ANK1: variants seen among roughly 807,000 people sequenced by gnomAD.
ANK1 encodes the protein ankyrin 1.
ANK1 carries 51 observed loss-of-function variants against 210.4 expected under a neutral mutation model. The observed-to-expected ratio is 0.24, with a 90% confidence interval of 0.19 to 0.31. The LOEUF (loss-of-function observed/expected upper bound fraction) is 0.31. ANK1 is among the 10% of genes least tolerant of loss of function. ANK1 has a pLI of 1.00. For missense variants in ANK1, 2,051 were observed against 2,504.4 expected (o/e 0.82, Z 3.86); for synonymous variants, 967 against 1,025.9 (o/e 0.94, Z 1.10).
At chr8:41,772,958 G>A (rs967083391) in intron 1 of ANK1, among the ~76,000 whole-genome samples, 2 of 152,116 alleles carry the variant, frequency 1.3e-5, no homozygotes, top group African/African-American at 4.8e-5. Flanking sequence ...TCAGCCACCA[G>A]GAGCATCGCT....
rs150403354 is a variant in ANK1, at chr8:41,725,023, C to A, written c.613-469G>T. 2.8e-3 allele frequency among the ~76,000 whole-genome samples: 427 copies of A among 152,226 alleles called. 2 individuals carry two copies. The highest frequency in any genetic ancestry group is 9.8e-3 in the African/African-American group (408 of 41,526). On this transcript the variant is annotated intron_variant, in intron 6 of 42. Transcript: ENST00000289734. ...TACAGGCGAACACCATCATGCCCAG[C>A]TAATTTTAAAAAAAATGTTTTAGAG...
chr8:41,892,545 G>A (rs1487301335), intron 1 of ANK1, among the ~76,000 whole-genome samples: 1 of 152,218 alleles, frequency 6.6e-6, no homozygotes, highest in Admixed American at 6.5e-5. Flanking sequence ...TTGACATTTA[G>A]TGTAGCAGAG....
chr8:41,852,954 C>T (rs759472986), intron 1 of ANK1, among the ~76,000 whole-genome samples: 2 of 152,312 alleles, frequency 1.3e-5, no homozygotes, highest in Middle Eastern at 3.4e-3. Context: ...GTGATGGGGA[C>T]AAATCATCCT....
At chr8:41,809,970 C>T (rs1238378235) in intron 1 of ANK1, among the ~76,000 whole-genome samples, 1 of 152,116 alleles carries the variant, frequency 6.6e-6, no homozygotes, top group East Asian at 1.9e-4. Context: ...GTCATGTTAC[C>T]GTGAGCCACG....
At chr8:41,798,770 G>A (rs898889893), upstream of ANK1, among the ~76,000 whole-genome samples, 1 of 152,090 alleles carries the variant, frequency 6.6e-6, no homozygotes, top group African/African-American at 2.4e-5. Context: ...GGGTGTCACC[G>A]CTGGGGGCCT....
chr8:41,731,904 G>T (rs1277205785), intron 3 of ANK1, among the ~76,000 whole-genome samples: 1 of 152,252 alleles, frequency 6.6e-6, no homozygotes, highest in African/African-American at 2.4e-5. Context: ...CTCACAGCCA[G>T]GTACGTGGGA....
chr8:41,884,596 AG>A (rs555655182), intron 1 of ANK1, among the ~76,000 whole-genome samples: 36 of 152,042 alleles, frequency 2.4e-4, no homozygotes, highest in African/African-American at 8.4e-4. Context: ...GAGCTTTCAG[AG>A]TCCGAGGCAG....
chr8:41,750,237 T>C (rs1268494201), intron 2 of ANK1, among the ~76,000 whole-genome samples: 2 of 152,346 alleles, frequency 1.3e-5, no homozygotes, highest in African/African-American at 2.4e-5. Context: ...GGCTTCCTAA[T>C]GCACATGTGG....
chr8:41,705,326 G>C (rs1056685461), intron 18 of ANK1, among the ~76,000 whole-genome samples: 1 of 152,208 alleles, frequency 6.6e-6, no homozygotes, highest in Non-Finnish European at 1.5e-5. Flanking sequence ...CTCTGTGCAG[G>C]ACCCCAAAAG....
At chr8:41,774,502 C>T (rs181104182) in intron 1 of ANK1, among the ~76,000 whole-genome samples, 2 of 152,360 alleles carry the variant, frequency 1.3e-5, no homozygotes, top group East Asian at 3.9e-4. Flanking sequence ...GCTTCCCATC[C>T]CAGGGCCAGG....
chr8:41,743,800 T>C (rs1278195106), intron 2 of ANK1, among the ~76,000 whole-genome samples: 2 of 147,564 alleles, frequency 1.4e-5, no homozygotes, highest in Admixed American at 6.8e-5. Flanking sequence ...TGTGATCTCA[T>C]TGATTCTTCA....
At chr8:41,743,972 G>A (rs1835430694) in intron 2 of ANK1, among the ~76,000 whole-genome samples, 1 of 152,196 alleles carries the variant, frequency 6.6e-6, no homozygotes, top group South Asian at 2.1e-4. Flanking sequence ...GGGATCTTTG[G>A]AGAAGTGCTG....
chr8:41,832,125 TCA>T (rs1806788970), intron 1 of ANK1, among the ~76,000 whole-genome samples: 1 of 152,134 alleles, frequency 6.6e-6, no homozygotes, highest in African/African-American at 2.4e-5. Flanking sequence ...TTGTCAGAAC[TCA>T]CAGGACTGAA....
At chr8:41,753,374 G>T (rs1289584728) in intron 2 of ANK1, among the ~76,000 whole-genome samples, 1 of 151,960 alleles carries the variant, frequency 6.6e-6, no homozygotes, top group Non-Finnish European at 1.5e-5. Context: ...CCTGCTGCAG[G>T]CTCTTAAGTA....
chr8:41,766,132 G>A (rs555115482), intron 1 of ANK1, among the ~76,000 whole-genome samples: 3 of 152,306 alleles, frequency 2.0e-5, no homozygotes, highest in Admixed American at 2.0e-4. Flanking sequence ...CTTCTTTAAC[G>A]CAGCCACTGT....
chr8:41,848,816 T>A (rs991280083), intron 1 of ANK1, among the ~76,000 whole-genome samples: 2 of 152,174 alleles, frequency 1.3e-5, no homozygotes, highest in African/African-American at 4.8e-5. Context: ...TACAACTGGA[T>A]ACATCAAGTC....
intron 1 of ANK1, among the ~76,000 whole-genome samples, chr8:41,871,875 C>G (rs1815569793): frequency 6.6e-6 from 1 of 152,206 alleles, no homozygotes; most frequent in Admixed American, 6.5e-5. Context: ...CTTGCTTGCT[C>G]TGAACCCACC....
At chr8:41,695,380 C>T (rs1163093465) in intron 26 of ANK1, 49 bp from the exon 27 acceptor site, 1 of 1,612,244 alleles carries the variant, frequency 6.2e-7, no homozygotes, top group South Asian at 1.1e-5. Context: ...ACAAGGCAGG[C>T]AGGGCACAGG....
chr8:41,724,531 A>T lies in ANK1; in HGVS notation c.636T>A (p.Ile212=), dbSNP rs562111995. The change falls in exon 7 of 43, where the codon ATT becomes ATA. Residue 212 remains isoleucine, a synonymous_variant. Transcript: ENST00000289734. ...LSKTGFTPLH[I]AAHYENLNVA... is the part of the protein sequence containing the mutation. ...CGTTGAGGTTCTCGTAGTGAGCCGC[A>T]ATGTGCAGGGGCGTGAATCCCGTCT... 3 of 1,599,194 alleles carry T rather than the reference A, an allele frequency of 1.9e-6. No homozygotes were observed. Among genetic ancestry groups the T allele is most frequent in the Admixed American group, 3.4e-5 (2 of 58,048 alleles).
Sources: allele counts gnomAD v4.1 joint callset (sites outside exome capture counted in the v4.1 genomes callset), GRCh38; gene constraint gnomAD v4.1.1; transcripts MANE v1.5; gene names NCBI Gene and HGNC (gene_info 2026-07-23, HGNC 2026-07-21).